Variants in TTC24 observed in about 807,000 individuals in gnomAD.
TTC24 encodes the protein tetratricopeptide repeat protein 24.
TTC24 carries 54 observed loss-of-function variants against 63.3 expected under a neutral mutation model. The ratio of observed to expected loss-of-function variants is 0.85; its 90% CI spans 0.69 to 1.07. The LOEUF (loss-of-function observed/expected upper bound fraction) is 1.07, where lower values mean the gene tolerates loss of function less well. Ranked by LOEUF, TTC24 falls within the 50% of genes least tolerant of loss-of-function variation. The pLI, the probability that TTC24 is intolerant of heterozygous loss-of-function variation, is 0.00. For synonymous variants in TTC24, 276 were observed against 304.3 expected (o/e 0.91, Z 0.97); for missense variants, 680 against 730.5 (o/e 0.93, Z 0.80).
In TTC24 at chr1:156,585,786, G is replaced by A. The variant is rs367965888; in HGVS notation, c.1530G>A (p.Thr510=). Residue 510 remains threonine (T), a synonymous_variant, in exon 9 of 11, where the codon ACG becomes ACA. Transcript: ENST00000368236. ...ASSCPTFTKH[T]PCRGTVLGKA... ...GTTGCCCCACGTTTACCAAGCACAC[G>A]CCCTGCAGAGGGACAGTCCTCGGCA... 11 of 1,613,738 alleles carry A rather than the reference G, an allele frequency of 6.8e-6. No homozygotes were observed. The highest frequency in any genetic ancestry group is 1.1e-5 in the South Asian group (1 of 91,080).
chr1:156,582,682 C>T (rs751636722), intron 3 of TTC24, among the ~76,000 whole-genome samples: 7 of 152,156 alleles, frequency 4.6e-5, no homozygotes, highest in African/African-American at 7.2e-5. Flanking sequence ...GTACTGGCTG[C>T]GAGAGGAGGC....
At chr1:156,582,618 G>A (rs999354074) in intron 3 of TTC24, among the ~76,000 whole-genome samples, 184 bp downstream of exon 3, 1 of 152,178 alleles carries the variant, frequency 6.6e-6, no homozygotes, top group African/African-American at 2.4e-5. Context: ...GAGGGTTGTG[G>A]GCCCAGAGGC....
At chr1:156,582,461 A>C in intron 3 of TTC24, 27 bp downstream of exon 3, 1 of 1,606,264 alleles carries the variant, frequency 6.2e-7, no homozygotes, top group Non-Finnish European at 8.5e-7. Context: ...GGGGAATGGG[A>C]CTGGGACTAA....
At position 156,583,329 on chromosome 1, in the gene TTC24, T is replaced by C; in HGVS notation, c.1040-9T>C. 6.2e-7 allele frequency: 1 copy of C among 1,612,304 alleles called. No individual in the cohort carries two copies. Among genetic ancestry groups the C allele is most frequent in the Non-Finnish European group, 8.5e-7 (1 of 1,179,114 alleles). On this transcript the variant is annotated splice_polypyrimidine_tract_variant and intron_variant, in intron 4 of 10. Coordinates refer to ENST00000368236, the MANE Select transcript of TTC24 (RefSeq NM_001105669.4). The surrounding 1 kb of genome is among the most constrained non-coding windows in gnomAD (Gnocchi z 4.0). ...CATGAAAGGACCTTCCAGGCTCTCT[T>C]TCTCTCAGGGGACATGAAGGGACAG...
At chr1:156,585,408 G>A (rs10796960) in intron 8 of TTC24, 177 bp downstream of exon 8, 604,962 of 606,964 alleles carry the variant, frequency 1, 301,507 homozygotes, top group East Asian at 1. Context: ...GTCCCAGTTC[G>A]CAAGTCCCCA....
Position 156,583,554 on chromosome 1 carries a change from CA to C in TTC24, c.1152+107del. The C allele has an allele frequency of 1.0e-6, 1 of 975,206 alleles. No individual in the cohort carries two copies. The highest frequency in any genetic ancestry group is 1.6e-5 in the South Asian group (1 of 61,470). The allele number at this position is 975,206 out of a possible 1,614,324, so 60.4% of individuals were successfully genotyped here. A position where few individuals can be genotyped will look rare whatever the true frequency, so the allele number is the denominator to read the frequency against. ...TTCTCCCCATCACTCACTCAATCAG[CA>C]AACATGCACTGGACACACTGTGTGC... is the stretch of plus-strand genomic sequence containing the variant. On this transcript the variant is annotated intron_variant, in intron 5 of 10. Coordinates refer to ENST00000368236, the MANE Select transcript of TTC24 (RefSeq NM_001105669.4). The surrounding 1 kb of genome is among the most constrained non-coding windows in gnomAD (Gnocchi z 4.0).
Position 156,582,441 on chromosome 1 carries a change from G to A in TTC24, c.910+7G>A. The A allele has an allele frequency of 4.3e-6, 7 of 1,613,462 alleles. No homozygotes were observed. The highest frequency in any genetic ancestry group is 5.9e-6 in the Non-Finnish European group (7 of 1,179,596). ...AAGGCTGCTGACCTACACGGTGGGTGCCTGGGGCCGGGGAATGGGACTGGG... is the reference window on the plus strand; with the variant it reads ...AAGGCTGCTGACCTACACGGTGGGTACCTGGGGCCGGGGAATGGGACTGGG... On this transcript the variant is annotated splice_region_variant and intron_variant, in intron 3 of 10. Transcript: ENST00000368236.
In TTC24 at chr1:156,585,259, G is replaced by T. The variant is rs992231894; in HGVS notation, c.1456+28G>T. On this transcript the variant is annotated intron_variant, in intron 8 of 10. Coordinates refer to ENST00000368236, the MANE Select transcript of TTC24 (RefSeq NM_001105669.4). ...GAGTTGATGTAGAGTATTCCTGGCG[G>T]TGCCTCTCCTTACTGCAAATATGGC... The T allele has an allele frequency of 1.9e-6, 3 of 1,560,286 alleles. No individual in the cohort carries two copies. The African/African-American group carries it at 4.1e-5, about 21-fold the overall frequency.
In TTC24 at chr1:156,585,943, A is replaced by G; in HGVS notation, c.1571-6A>G. 6.2e-7 allele frequency: 1 copy of G among 1,603,676 alleles called. No homozygotes were observed. The highest frequency in any genetic ancestry group is 1.1e-5 in the South Asian group (1 of 89,698). On this transcript the variant is annotated splice_region_variant and splice_polypyrimidine_tract_variant and intron_variant, in intron 9 of 10. Coordinates refer to ENST00000368236, the MANE Select transcript of TTC24 (RefSeq NM_001105669.4). ...GTGATGAATGTGTCTGTCCTTCTCCATCTAGGTCCAGGACCCAGGGCCCAT... is the reference window on the plus strand; with the variant it reads ...GTGATGAATGTGTCTGTCCTTCTCCGTCTAGGTCCAGGACCCAGGGCCCAT...
chr1:156,583,943 C>CA lies in TTC24; in HGVS notation c.1251+49dup, dbSNP rs1167097080. The CA allele has an allele frequency of 4.7e-6, 7 of 1,486,560 alleles. No homozygotes were observed. The highest frequency in any genetic ancestry group is 6.4e-6 in the Non-Finnish European group (7 of 1,088,462). The allele number at this position is 1,486,560 out of a possible 1,614,324, so 92.1% of individuals were successfully genotyped here. On this transcript the variant is annotated intron_variant, in intron 6 of 10. Coordinates refer to ENST00000368236, the MANE Select transcript of TTC24 (RefSeq NM_001105669.4). The surrounding 1 kb of genome is among the most constrained non-coding windows in gnomAD (Gnocchi z 4.0). ...GAGATGGGGGTGGAGAGAGGTTACC[C>CA]AGAGAAGGGGTTGGTGGTAAGCAGA...
At position 156,581,568 on chromosome 1, in the gene TTC24, G is replaced by C. The variant is rs1676995536; in HGVS notation, c.204G>C (p.Lys68Asn). The change falls in exon 2 of 11, where the codon AAG becomes AAC. Residue 68 changes from lysine (K) to asparagine (N), a missense_variant. Coordinates refer to ENST00000368236, the MANE Select transcript of TTC24 (RefSeq NM_001105669.4). The stretch of plus-strand genomic sequence containing the variant: ...AGAGGGCCTTCCTTCTGGCCTCCAA[G>C]GCCCCACAAACCAGGGATACCCCTG... ...NFQRAFLLAS[K>N]APQTRDTPVL... 2 of 1,551,466 alleles carry C rather than the reference G, an allele frequency of 1.3e-6. No homozygotes were observed. The highest frequency in any genetic ancestry group is 1.7e-6 in the Non-Finnish European group (2 of 1,146,896).
At chr1:156,582,661 CA>C (rs1271720130) in intron 3 of TTC24, among the ~76,000 whole-genome samples, 1 of 152,156 alleles carries the variant, frequency 6.6e-6, no homozygotes, top group Non-Finnish European at 1.5e-5. Flanking sequence ...CAGCAGTGGG[CA>C]GGGGGAAGGG....
At position 156,586,587 on chromosome 1, in the gene TTC24, A is replaced by C. The variant is rs756369991; in HGVS notation, c.*37A>C. On this transcript the variant is annotated 3_prime_UTR_variant, in exon 11 of 11. Coordinates refer to ENST00000368236, the MANE Select transcript of TTC24 (RefSeq NM_001105669.4). ...CAGCCTCAGCCCTCATCCCTGAAGC[A>C]CCTGTCCAACACGCACACACTAGGG... 7 of 1,578,342 alleles carry C rather than the reference A, an allele frequency of 4.4e-6. No homozygotes were observed. The highest frequency in any genetic ancestry group is 6.1e-6 in the Non-Finnish European group (7 of 1,152,730).
At position 156,586,042 on chromosome 1, in the gene TTC24, A is replaced by G; in HGVS notation, c.1664A>G (p.Asn555Ser). The change falls in exon 10 of 11, where the codon AAT becomes AGT. Residue 555 changes from asparagine (N) to serine (S), a missense_variant. Asn to Ser is a conservative substitution (Grantham distance 46, BLOSUM62 1). Transcript: ENST00000368236. ...TTGGTACCCAATGGCCCTCAAGCCA[A>G]TAGGTGGGTCCTTGGGGGAAAGAAG... Reference protein sequence around the residue: ...SILVPNGPQANRSSRWPRESL... With the variant: ...SILVPNGPQASRSSRWPRESL... 6.4e-7 allele frequency: 1 copy of G among 1,567,922 alleles called. No homozygotes were observed. Among genetic ancestry groups the G allele is most frequent in the Non-Finnish European group, 8.7e-7 (1 of 1,155,020 alleles).
rs776020587 is a variant in TTC24 at position 156,582,015 on chromosome 1, G to C, written c.651G>C (p.Gln217His). ...GGCATCGGGTGGGGGAAGTTGTGCA[G>C]GTGCTGGAGAAAAGCCGGAGGCTTG... ...SGRHRVGEVVQVLEKSRRLAE... is the reference protein window; with the variant it reads ...SGRHRVGEVVHVLEKSRRLAE... Residue 217 changes from glutamine to histidine, a missense_variant, in exon 2 of 11, where the codon CAG (glutamine) becomes CAC (histidine). By Grantham distance (24) the Gln-to-His change is conservative. Transcript: ENST00000368236. 6 of 1,489,800 alleles carry C rather than the reference G, an allele frequency of 4.0e-6. No individual in the cohort carries two copies. In the South Asian group the frequency reaches 4.1e-5, roughly 10 times the overall value. The allele number at this position is 1,489,800 out of a possible 1,614,324, so 92.3% of individuals were successfully genotyped here. A position where few individuals can be genotyped will look rare whatever the true frequency, so the allele number is the denominator to read the frequency against.
intron 1 of TTC24, among the ~76,000 whole-genome samples, chr1:156,580,352 G>T (rs1372892583): frequency 1.3e-5 from 2 of 152,158 alleles, no homozygotes; most frequent in Non-Finnish European, 2.9e-5. Context: ...TTGTTGAACT[G>T]ACCTGAACTA....
chr1:156,583,823 G>A lies in TTC24; in HGVS notation c.1179G>A (p.Arg393=). 6.3e-7 allele frequency: 1 copy of A among 1,586,340 alleles called. No homozygotes were observed. Among genetic ancestry groups the A allele is most frequent in the Non-Finnish European group, 8.6e-7 (1 of 1,167,572 alleles). The change falls in exon 6 of 11, where the codon CGG becomes CGA. Residue 393 remains arginine, a synonymous_variant. Transcript: ENST00000368236. The surrounding 1 kb of genome is among the most constrained non-coding windows in gnomAD (Gnocchi z 4.0). ...AGGAGCCAGATTCTGTGCGAGAACGGCTGGTGGCCAAGCTGGCAGACACCG... is the reference window on the plus strand; with the variant it reads ...AGGAGCCAGATTCTGTGCGAGAACGACTGGTGGCCAAGCTGGCAGACACCG... ...CQKEPDSVRE[R]LVAKLADTVR... is the part of the protein sequence containing the mutation.
At chr1:156,585,301 G>GCCTGCCT in intron 8 of TTC24, 70 bp downstream of exon 8, 3 of 997,578 alleles carry the variant, frequency 3.0e-6, no homozygotes, top group Non-Finnish European at 4.0e-6. Context: ...ACCCCCACCC[G>GCCTGCCT]CCTGCCTCCG....
Position 156,583,800 on chromosome 1 carries a change from G to T in TTC24, c.1156G>T (p.Glu386Ter), listed in dbSNP as rs2102474539. The stretch of plus-strand genomic sequence containing the variant: ...CTATTATCCACCCTCTTCCCAGAAG[G>T]AGCCAGATTCTGTGCGAGAACGGCT... ...YKEALAQCQK[E>*]PDSVRERLVA... is the part of the protein sequence containing the mutation. Residue 386 changes from glutamate (E) to a stop codon, truncating the protein, a stop_gained, in exon 6 of 11, where the codon GAG (glutamate) becomes TAG (stop). Transcript: ENST00000368236. LOFTEE classifies it high-confidence loss of function. This position sits in a 1 kb window ranked among gnomAD's most constrained non-coding sequence, Gnocchi z 4.0. 6.3e-7 allele frequency: 1 copy of T among 1,582,824 alleles called. No homozygotes were observed. The highest frequency in any genetic ancestry group is 2.3e-5 in the East Asian group (1 of 43,374).
Sources: gnomAD v4.1 joint callset for allele counts (sites outside exome capture counted in the v4.1 genomes callset) on GRCh38, gnomAD v4.1.1 for gene constraint, Gnocchi (gnomAD v3.1) non-coding constraint, MANE v1.5 for transcripts, NCBI Gene and HGNC (gene_info 2026-07-23, HGNC 2026-07-21) for gene names.